FAF1: variants seen among roughly 807,000 people sequenced by gnomAD.
FAF1 encodes the protein FAS-associated factor 1.
A neutral mutation model predicts 92.5 loss-of-function variants in FAF1; 25 were observed. The ratio of observed to expected loss-of-function variants is 0.27; its 90% CI spans 0.20 to 0.38. The LOEUF (loss-of-function observed/expected upper bound fraction) is 0.38, where lower values mean the gene tolerates loss of function less well. Among genes scored for constraint, FAF1 ranks in the 10% least tolerant of loss-of-function variants. The probability of loss-of-function intolerance (pLI) is 1.00; values close to 1 mark genes in which losing one functional copy is unlikely to be tolerated. For missense variants in FAF1, 636 were observed against 793.3 expected (o/e 0.80, Z 2.38); for synonymous variants, 234 against 273.2 (o/e 0.86, Z 1.42).
chr1:50,741,738 A>G (rs1659395981), intron 5 of FAF1, among the ~76,000 whole-genome samples: 1 of 152,234 alleles, frequency 6.6e-6, no homozygotes, highest in Non-Finnish European at 1.5e-5. Flanking sequence ...GAAATGAGAA[A>G]AGACTGATGG....
chr1:50,448,902 T>C (rs1646259946), intron 18 of FAF1, among the ~76,000 whole-genome samples: 1 of 151,344 alleles, frequency 6.6e-6, no homozygotes, highest in African/African-American at 2.4e-5. Context: ...TACTTAACAA[T>C]TAGGTTTTGA....
At chr1:50,717,126 C>T (rs981978046) in intron 6 of FAF1, among the ~76,000 whole-genome samples, 2 of 152,126 alleles carry the variant, frequency 1.3e-5, no homozygotes, top group African/African-American at 4.8e-5. Context: ...TTGGAGTCAG[C>T]GAGAACAAGA....
chr1:50,785,616 A>T (rs973429208), intron 4 of FAF1, among the ~76,000 whole-genome samples: 1 of 152,124 alleles, frequency 6.6e-6, no homozygotes, highest in Non-Finnish European at 1.5e-5. Flanking sequence ...TATACAAAAA[A>T]AAAAGGAAAG....
intron 13 of FAF1, among the ~76,000 whole-genome samples, chr1:50,554,390 T>TATATATATATATATATAGAGAGAGAG: frequency 4.3e-5 from 4 of 93,688 alleles, no homozygotes; most frequent in African/African-American, 9.5e-5. Context: ...TATATATATA[T>TATATATATATATATATAGAGAGAGAG]AGAGAGAGAG....
At chr1:50,846,075 G>A (rs1001985381) in intron 2 of FAF1, among the ~76,000 whole-genome samples, 1 of 152,054 alleles carries the variant, frequency 6.6e-6, no homozygotes, top group Non-Finnish European at 1.5e-5. Flanking sequence ...AGTGAGCCAA[G>A]ATTGTGCCAC....
chr1:50,492,881 G>C (rs546909617), intron 15 of FAF1, among the ~76,000 whole-genome samples: 23 of 152,190 alleles, frequency 1.5e-4, no homozygotes, highest in African/African-American at 4.3e-4. Context: ...GGTATGAATA[G>C]GAACATTTCA....
In FAF1 at chr1:50,959,884, TCGC is replaced by T; in HGVS notation, c.-76_-74del. 9.1e-7 allele frequency: 1 copy of T among 1,103,578 alleles called. No individual in the cohort carries two copies. The highest frequency in any genetic ancestry group is 1.2e-6 in the Non-Finnish European group (1 of 853,878). 68.4% of individuals were successfully genotyped at this position (1,103,578 alleles called of 1,614,324 possible). A position where few individuals can be genotyped will look rare whatever the true frequency, so the allele number is the denominator to read the frequency against. Reference sequence around the variant, plus strand: ...AGGCAGACGGCACCTCCTGCGACCGTCGCCGCCACCGCCGCCGCCGCCGCCGGG... The same window carrying T: ...AGGCAGACGGCACCTCCTGCGACCGTCGCCACCGCCGCCGCCGCCGCCGGG... On this transcript the variant is annotated 5_prime_UTR_variant, in exon 1 of 19. Transcript: ENST00000396153.
At chr1:50,866,408 T>C (rs977781876) in intron 1 of FAF1, among the ~76,000 whole-genome samples, 6 of 152,010 alleles carry the variant, frequency 3.9e-5, no homozygotes, top group East Asian at 1.9e-4. Context: ...CTGTTGATGT[T>C]TGCCGATGAT....
intron 6 of FAF1, among the ~76,000 whole-genome samples, chr1:50,719,573 C>A (rs189120208): frequency 2.0e-5 from 3 of 151,994 alleles, no homozygotes; most frequent in Non-Finnish European, 1.5e-5. Context: ...AATGTATTAA[C>A]CAAAGTATGT....
intron 7 of FAF1, among the ~76,000 whole-genome samples, chr1:50,671,603 CT>C (rs937150038): frequency 3.3e-5 from 5 of 151,966 alleles, no homozygotes; most frequent in African/African-American, 9.7e-5. Flanking sequence ...AACTTAATCC[CT>C]TTTTTTGGGT....
At chr1:50,884,411 CCAG>C (rs1264880048) in intron 1 of FAF1, among the ~76,000 whole-genome samples, 1 of 151,534 alleles carries the variant, frequency 6.6e-6, no homozygotes, top group Non-Finnish European at 1.5e-5. Context: ...ACCTGCAGTC[CCAG>C]CTACTCGCGA....
chr1:50,908,485 C>T (rs573811323), intron 1 of FAF1, among the ~76,000 whole-genome samples: 43 of 152,246 alleles, frequency 2.8e-4, no homozygotes, highest in African/African-American at 1.0e-3. Context: ...TAAAGTCTCC[C>T]ATTATTATTG....
chr1:50,773,017 T>C (rs1379798290), intron 4 of FAF1, among the ~76,000 whole-genome samples: 1 of 152,226 alleles, frequency 6.6e-6, no homozygotes, highest in Non-Finnish European at 1.5e-5. Context: ...CTATGTACTA[T>C]TCTGGTATCA....
At chr1:50,959,621 CCACA>C (rs144699454) in intron 1 of FAF1, 142 bp downstream of exon 1, 231 of 505,918 alleles carry the variant, frequency 4.6e-4, no homozygotes, top group South Asian at 7.2e-4. Flanking sequence ...CCATAGCTCG[CCACA>C]CACACACACA....
At chr1:50,695,338 G>A (rs1657147864) in intron 7 of FAF1, among the ~76,000 whole-genome samples, 1 of 152,032 alleles carries the variant, frequency 6.6e-6, no homozygotes, top group South Asian at 2.1e-4. Flanking sequence ...AACCTGGGAG[G>A]TGGAGGTTGC....
chr1:50,660,805 T>C (rs945157515), intron 7 of FAF1, among the ~76,000 whole-genome samples: 2 of 152,198 alleles, frequency 1.3e-5, no homozygotes, highest in African/African-American at 4.8e-5. Flanking sequence ...ACTAGATTTC[T>C]AATCCTAGTT....
intron 6 of FAF1, among the ~76,000 whole-genome samples, chr1:50,710,471 A>C (rs1466028078): frequency 1.3e-5 from 2 of 152,002 alleles, no homozygotes; most frequent in Non-Finnish European, 2.9e-5. Flanking sequence ...TTTTTTCCCC[A>C]TTCATTCTTT....
intron 18 of FAF1, among the ~76,000 whole-genome samples, chr1:50,457,151 G>GAA (rs199757307): frequency 2.2e-4 from 28 of 128,126 alleles, no homozygotes; most frequent in African/African-American, 5.4e-4. Flanking sequence ...GAGGGAAAGT[G>GAA]AAAAAAAAAA....
At chr1:50,854,204 A>T (rs1324716150) in intron 2 of FAF1, among the ~76,000 whole-genome samples, 1 of 152,042 alleles carries the variant, frequency 6.6e-6, no homozygotes, top group Non-Finnish European at 1.5e-5. Context: ...TATAGTGAAA[A>T]CAGAAAGTGA....
Sources: allele counts gnomAD v4.1 joint callset (sites outside exome capture counted in the v4.1 genomes callset), GRCh38; gene constraint gnomAD v4.1.1; transcripts MANE v1.5; gene names NCBI Gene and HGNC (gene_info 2026-07-23, HGNC 2026-07-21).